LRRC8A: variants seen among roughly 807,000 people sequenced by gnomAD.
The protein encoded by LRRC8A is volume-regulated anion channel subunit LRRC8A.
LRRC8A carries 24 observed loss-of-function variants against 52.5 expected under a neutral mutation model. That is an observed-to-expected ratio of 0.46 (90% CI 0.33 to 0.64). The LOEUF (loss-of-function observed/expected upper bound fraction) is 0.64, where lower values mean the gene tolerates loss of function less well. LRRC8A is among the 30% of genes least tolerant of loss of function. LRRC8A has a pLI of 0.02. For missense variants in LRRC8A, 677 were observed against 1,094.7 expected, an observed-to-expected ratio of 0.62 and a Z score of 5.38; for synonymous variants, 492 against 494.2, an observed-to-expected ratio of 1.00 and a Z score of 0.06.
chr9:128,902,104 C>T lies in LRRC8A; in HGVS notation c.-8-5053C>T, dbSNP rs1057221344. Among the ~76,000 whole-genome samples, 1 of 152,242 alleles carries T rather than the reference C, an allele frequency of 6.6e-6. No individual in the cohort carries two copies. Among genetic ancestry groups the T allele is most frequent in the African/African-American group, 2.4e-5 (1 of 41,468 alleles). On this transcript the variant is annotated intron_variant, in intron 2 of 3. Transcript: ENST00000372600. The surrounding 1 kb of genome is among the most constrained non-coding windows in gnomAD (Gnocchi z 4.1). ...AGGCCCTTCTCAGCTCTGCAGCCAG[C>T]CCCAGGCTCTGCCATTGGAACCCCA... is the stretch of plus-strand genomic sequence containing the variant.
intron 2 of LRRC8A, among the ~76,000 whole-genome samples, chr9:128,897,917 C>T (rs1190939886): frequency 1.4e-5 from 2 of 147,006 alleles, no homozygotes; most frequent in Non-Finnish European, 1.5e-5. Flanking sequence ...CAGTGGCTCG[C>T]GACATTGCAC....
rs2131019863 is a variant in LRRC8A, at chr9:128,907,955, A to G, written c.791A>G (p.Tyr264Cys). The change falls in exon 3 of 4, where the codon TAC becomes TGC. Residue 264 changes from tyrosine to cysteine, a missense_variant. Physicochemically the swap from Tyr to Cys is radical, Grantham distance 194. This residue lies in a region of LRRC8A where 422 missense variants were observed against 741.5 expected (regional missense o/e 0.57). Transcript: ENST00000372600. This position sits in a 1 kb window ranked among gnomAD's most constrained non-coding sequence, Gnocchi z 9.3. The stretch of plus-strand genomic sequence containing the variant: ...GAGGGGGACATTGTGTACCGCCTCT[A>G]CATGCGGCAGACCATCATCAAGGTG... ...VEEGDIVYRL[Y>C]MRQTIIKVIK... 6.2e-7 allele frequency: 1 copy of G among 1,614,156 alleles called. No individual in the cohort carries two copies. Among genetic ancestry groups the G allele is most frequent in the Non-Finnish European group, 8.5e-7 (1 of 1,180,034 alleles).
rs964073266 is a variant in LRRC8A, at chr9:128,915,157, G to A, written c.2158-939G>A. On this transcript the variant is annotated intron_variant, in intron 3 of 3. Transcript: ENST00000372600. ...ACACATTAAGCTGCATACGGGTGTC[G>A]TCTGTTAACAGTAATTGCTCCATAT... Among the ~76,000 whole-genome samples the A allele has an allele frequency of 3.9e-5, 6 of 152,156 alleles. No individual in the cohort carries two copies. In the East Asian group the frequency reaches 1.2e-3, roughly 29 times the overall value.
At chr9:128,915,508 G>A (rs1485064997) in intron 3 of LRRC8A, among the ~76,000 whole-genome samples, 1 of 152,128 alleles carries the variant, frequency 6.6e-6, no homozygotes, top group Admixed American at 6.5e-5. Context: ...TGTATTTTTA[G>A]TAGAGACGGG....
rs1431478614 is a variant in LRRC8A, at chr9:128,892,325, C to T, written c.-9+6204C>T. ...CCACCTGCTGCCTCTCTCTGCTTGG[C>T]TCCGGAGCTGCTGGGGGAAGCCCAG... On this transcript the variant is annotated intron_variant, in intron 2 of 3. Coordinates refer to ENST00000372600, the MANE Select transcript of LRRC8A (RefSeq NM_019594.4). The surrounding 1 kb of genome is among the most constrained non-coding windows in gnomAD (Gnocchi z 5.2). Among the ~76,000 whole-genome samples the T allele has an allele frequency of 6.6e-6, 1 of 152,108 alleles. No individual in the cohort carries two copies. Among genetic ancestry groups the T allele is most frequent in the African/African-American group, 2.4e-5 (1 of 41,422 alleles).
chr9:128,909,788 C>T (rs1188233082), intron 3 of LRRC8A, among the ~76,000 whole-genome samples: 1 of 152,184 alleles, frequency 6.6e-6, no homozygotes, highest in African/African-American at 2.4e-5. Context: ...AATCCGGGTC[C>T]ACCCAGGACA....
chr9:128,890,130 T>TTTTGTGTG (rs1839549564), intron 2 of LRRC8A, among the ~76,000 whole-genome samples: 1 of 128,210 alleles, frequency 7.8e-6, no homozygotes, highest in African/African-American at 2.8e-5. Context: ...TGGCTTCATT[T>TTTTGTGTG]TGTGTGTGTG....
intron 2 of LRRC8A, among the ~76,000 whole-genome samples, chr9:128,888,672 C>T (rs1002564302): frequency 1.3e-5 from 2 of 152,116 alleles, no homozygotes; most frequent in South Asian, 2.1e-4. Context: ...GTGGCAGCCT[C>T]GTTTTGCGGG....
In LRRC8A at chr9:128,903,971, T is replaced by C. The variant is rs557308852; in HGVS notation, c.-8-3186T>C. ...TAAACCCAGGAGGCAGAGGTTGCAG[T>C]GAGTCAGGATCATGCCACTGCACCC... On this transcript the variant is annotated intron_variant, in intron 2 of 3. Transcript: ENST00000372600. 4.6e-5 allele frequency among the ~76,000 whole-genome samples: 7 copies of C among 151,842 alleles called. No individual in the cohort carries two copies. In the East Asian group the frequency reaches 1.4e-3, roughly 30 times the overall value.
In LRRC8A at chr9:128,909,122, A is replaced by G; in HGVS notation, c.1958A>G (p.Tyr653Cys). The G allele has an allele frequency of 6.2e-7, 1 of 1,614,142 alleles. No homozygotes were observed. Among genetic ancestry groups the G allele is most frequent in the Non-Finnish European group, 8.5e-7 (1 of 1,180,026 alleles). The change falls in exon 3 of 4, where the codon TAC becomes TGC. Residue 653 changes from tyrosine (Y) to cysteine (C), a missense_variant. Tyr to Cys is a radical substitution (Grantham distance 194). Transcript: ENST00000372600. The part of the protein sequence containing the change: ...CLKLWYNHIA[Y>C]IPIQIGNLTN... ...AAGCTGTGGTACAACCACATCGCCT[A>G]CATCCCCATCCAGATCGGCAACCTC...
At chr9:128,884,240 T>C (rs988327814) in intron 1 of LRRC8A, among the ~76,000 whole-genome samples, 17 of 152,164 alleles carry the variant, frequency 1.1e-4, no homozygotes, top group African/African-American at 3.1e-4. Flanking sequence ...GAAATCAGCC[T>C]GGTTCCTGAC....
chr9:128,895,127 T>C (rs954335962), intron 2 of LRRC8A, among the ~76,000 whole-genome samples: 1 of 152,236 alleles, frequency 6.6e-6, no homozygotes, highest in Non-Finnish European at 1.5e-5. Flanking sequence ...ACACATTTTA[T>C]ATACTGCTCA....
chr9:128,909,186 C>T lies in LRRC8A; in HGVS notation c.2022C>T (p.Ile674=), dbSNP rs766557820. Residue 674 remains isoleucine (I), a synonymous_variant, in exon 3 of 4, where the codon ATC becomes ATT. Coordinates refer to ENST00000372600, the MANE Select transcript of LRRC8A (RefSeq NM_019594.4). ...GCCTCTACCTGAACCGCAACAAGATCGAGAAGATCCCCACCCAGCTCTTCT... is the reference window on the plus strand; with the variant it reads ...GCCTCTACCTGAACCGCAACAAGATTGAGAAGATCCCCACCCAGCTCTTCT... ...LERLYLNRNK[I]EKIPTQLFYC... 2.5e-6 allele frequency: 4 copies of T among 1,614,152 alleles called. No homozygotes were observed. The highest frequency in any genetic ancestry group is 1.6e-4 in the Middle Eastern group (1 of 6,062).
intron 3 of LRRC8A, among the ~76,000 whole-genome samples, chr9:128,914,794 A>G (rs1212801557): frequency 6.6e-6 from 1 of 152,212 alleles, no homozygotes; most frequent in Non-Finnish European, 1.5e-5. Flanking sequence ...ACTTACACGC[A>G]GTAAGAACTC....
At chr9:128,901,460 C>CA (rs201443296) in intron 2 of LRRC8A, among the ~76,000 whole-genome samples, 15 of 150,744 alleles carry the variant, frequency 1.0e-4, no homozygotes, top group Non-Finnish European at 1.3e-4. Flanking sequence ...GAGACTGCCT[C>CA]AAAAAAAAAA....
rs768812865 is a variant in LRRC8A at position 128,908,497 on chromosome 9, C to T, written c.1333C>T (p.Leu445=). The change falls in exon 3 of 4, where the codon CTG becomes TTG. Residue 445 remains leucine (L), a synonymous_variant. Coordinates refer to ENST00000372600, the MANE Select transcript of LRRC8A (RefSeq NM_019594.4). ...LSGIPDTVFD[L]VELEVLKLEL... ...TGGCATCCCTGACACTGTGTTTGAC[C>T]TGGTGGAGCTGGAGGTCCTCAAGCT... The T allele has an allele frequency of 1.2e-6, 2 of 1,612,996 alleles. No individual in the cohort carries two copies. The highest frequency in any genetic ancestry group is 1.7e-5 in the Admixed American group (1 of 59,980).
In LRRC8A at chr9:128,917,422, G is replaced by A. The variant is rs1840873137; in HGVS notation, c.*1051G>A. On this transcript the variant is annotated 3_prime_UTR_variant, in exon 4 of 4. Coordinates refer to ENST00000372600, the MANE Select transcript of LRRC8A (RefSeq NM_019594.4). ...ATGTTCTGGAGCTGCCAAGGAGGGA[G>A]GAGACTCGGGTTGGCTAATCCCCGG... The A allele has an allele frequency of 6.6e-6, 1 of 152,616 alleles. No individual in the cohort carries two copies. Among genetic ancestry groups the A allele is most frequent in the Admixed American group, 6.5e-5 (1 of 15,274 alleles). 9.5% of individuals were successfully genotyped at this position (152,616 alleles called of 1,614,324 possible). A position where few individuals can be genotyped will look rare whatever the true frequency, so the allele number is the denominator to read the frequency against.
intron 3 of LRRC8A, among the ~76,000 whole-genome samples, chr9:128,910,863 G>A (rs982319656): frequency 2.0e-5 from 3 of 152,274 alleles, no homozygotes; most frequent in South Asian, 2.1e-4. Context: ...TGCAGCCTCC[G>A]TGTGGCAACC....
intron 2 of LRRC8A, among the ~76,000 whole-genome samples, chr9:128,891,702 G>C (rs113017665): frequency 6.6e-6 from 1 of 152,212 alleles, no homozygotes; most frequent in African/African-American, 2.4e-5. Flanking sequence ...AGGCATCTGA[G>C]TATGGCCTGA....
Sources: allele counts gnomAD v4.1 joint callset (sites outside exome capture counted in the v4.1 genomes callset), GRCh38; gene constraint gnomAD v4.1.1; regional missense constraint gnomAD v4.1.1; non-coding constraint Gnocchi (gnomAD v3.1); transcripts MANE v1.5; gene names NCBI Gene and HGNC (gene_info 2026-07-23, HGNC 2026-07-21).